ZSWIM8: variants seen among roughly 807,000 people sequenced by gnomAD.
ZSWIM8 encodes zinc finger SWIM domain-containing protein 8.
Under a neutral mutation model 173.7 loss-of-function variants are expected in ZSWIM8, and 27 were observed. That is an observed-to-expected ratio of 0.16 (90% CI 0.11 to 0.21). The LOEUF is 0.21. ZSWIM8 is among the 10% of genes least tolerant of loss of function. ZSWIM8 has a pLI of 1.00. For missense variants in ZSWIM8, 1,627 were observed against 2,428.8 expected (o/e 0.67, Z 6.94); for synonymous variants, 958 against 962.0 (o/e 1.00, Z 0.08).
At chr10:73,790,765 C>G (rs1263467915) in intron 7 of ZSWIM8, among the ~76,000 whole-genome samples, 1 of 152,100 alleles carries the variant, frequency 6.6e-6, no homozygotes, top group African/African-American at 2.4e-5. Flanking sequence ...AGGAGAATTG[C>G]TTGAACCCGG....
intron 20 of ZSWIM8, among the ~76,000 whole-genome samples, chr10:73,798,767 G>A (rs951272147): frequency 6.6e-6 from 1 of 152,178 alleles, no homozygotes; most frequent in African/African-American, 2.4e-5. Context: ...ATGGGAGGGG[G>A]CTGTTAAATT....
Position 73,800,219 on chromosome 10 carries a change from G to A in ZSWIM8, c.4825+49G>A. ...GGTGAATGGAGGGGAGGCACACTGG[G>A]CAGGGGAGGTGGGGAGGGAATGTTC... On this transcript the variant is annotated intron_variant, in intron 22 of 25. Transcript: ENST00000604729. This position sits in a 1 kb window ranked among gnomAD's most constrained non-coding sequence, Gnocchi z 4.1. 1 of 1,612,306 alleles carries A rather than the reference G, an allele frequency of 6.2e-7. No homozygotes were observed. Among genetic ancestry groups the A allele is most frequent in the Admixed American group, 1.7e-5 (1 of 59,990 alleles).
intron 21 of ZSWIM8, 199 bp from the exon 22 acceptor site, chr10:73,799,812 G>A: frequency 1.6e-6 from 1 of 642,496 alleles, no homozygotes; most frequent in Non-Finnish European, 2.7e-6. Flanking sequence ...CTTCTTGGGA[G>A]GCTGAGATGG....
At chr10:73,795,387 A>T (rs911251263) in intron 14 of ZSWIM8, among the ~76,000 whole-genome samples, 152 bp from the exon 15 acceptor site, 8 of 152,204 alleles carry the variant, frequency 5.3e-5, no homozygotes, top group African/African-American at 1.9e-4. Flanking sequence ...GGCTGGATAT[A>T]ATAGTCAACG....
In ZSWIM8 at chr10:73,786,011, C is replaced by T. The variant is rs1247121252; in HGVS notation, c.133C>T (p.Arg45Cys). The T allele has an allele frequency of 1.3e-6, 2 of 1,598,404 alleles. No homozygotes were observed. The highest frequency in any genetic ancestry group is 1.7e-6 in the Non-Finnish European group (2 of 1,172,298). The change falls in exon 1 of 26, where the codon CGC becomes TGC. Residue 45 changes from arginine to cysteine, a missense_variant. Transcript: ENST00000604729. ...CCTCTGCCAGAACTGGCGGGGATGG[C>T]GCAAACAGTCAGCGGGGCCCAATTC... Reference protein sequence around the residue: ...ESLCQNWRGWRKQSAGPNSPT... With the variant: ...ESLCQNWRGWCKQSAGPNSPT...
Position 73,789,290 on chromosome 10 carries a change from TA to T in ZSWIM8, c.458-75del, listed in dbSNP as rs1487721332. On this transcript the variant is annotated intron_variant, in intron 3 of 25. Coordinates refer to ENST00000604729, the MANE Select transcript of ZSWIM8 (RefSeq NM_001367799.1). This position sits in a 1 kb window ranked among gnomAD's most constrained non-coding sequence, Gnocchi z 6.8. ...AAGAAGCTGGAGCATGTTGTCTGAA[TA>T]ACTGCAGGGCCAGGGTCAAGGGCAG... is the stretch of plus-strand genomic sequence containing the variant. 17 of 1,590,636 alleles carry T rather than the reference TA, an allele frequency of 1.1e-5. No individual in the cohort carries two copies. The African/African-American group carries it at 2.3e-4, about 21-fold the overall frequency.
chr10:73,790,925 C>A, intron 7 of ZSWIM8, 50 bp from the exon 8 acceptor site: 2 of 1,520,256 alleles, frequency 1.3e-6, no homozygotes, highest in South Asian at 1.2e-5. Context: ...TTTTAGGTTT[C>A]ATTCAGCCCC....
intron 1 of ZSWIM8, among the ~76,000 whole-genome samples, chr10:73,787,345 C>T (rs1261033705): frequency 6.6e-6 from 1 of 152,128 alleles, no homozygotes; most frequent in Non-Finnish European, 1.5e-5. Context: ...AGATCATAGG[C>T]AGTTTTACCG....
chr10:73,796,753 G>T lies in ZSWIM8; in HGVS notation c.3034-21G>T, dbSNP rs774457987. ...GCATCCTGTCACTGCTTCTCTGGAGGTCACTGCTTCTGTCTTCCAGATCTT... is the reference window on the plus strand; with the variant it reads ...GCATCCTGTCACTGCTTCTCTGGAGTTCACTGCTTCTGTCTTCCAGATCTT... On this transcript the variant is annotated intron_variant, in intron 15 of 25. Coordinates refer to ENST00000604729, the MANE Select transcript of ZSWIM8 (RefSeq NM_001367799.1). 11 of 1,609,818 alleles carry T rather than the reference G, an allele frequency of 6.8e-6. No individual in the cohort carries two copies. The African/African-American group carries it at 1.5e-4, about 21-fold the overall frequency.
At position 73,790,721 on chromosome 10, in the gene ZSWIM8, C is replaced by T. The variant is rs1354599234; in HGVS notation, c.942-254C>T. On this transcript the variant is annotated intron_variant, in intron 7 of 25. Transcript: ENST00000604729. ...AAAATTAGCCAGGCGTGGTGGCGGG[C>T]GCCTGTAATCTCAGCTACTTGGGAG... Among the ~76,000 whole-genome samples, 10 of 152,092 alleles carry T rather than the reference C, an allele frequency of 6.6e-5. No individual in the cohort carries two copies. In the East Asian group the frequency reaches 1.7e-3, roughly 26 times the overall value.
At position 73,789,710 on chromosome 10, in the gene ZSWIM8, C is replaced by T; in HGVS notation, c.631-7C>T. The T allele has an allele frequency of 6.3e-7, 1 of 1,592,944 alleles. No homozygotes were observed. Among genetic ancestry groups the T allele is most frequent in the Non-Finnish European group, 8.5e-7 (1 of 1,169,884 alleles). On this transcript the variant is annotated splice_polypyrimidine_tract_variant and splice_region_variant and intron_variant, in intron 4 of 25. Coordinates refer to ENST00000604729, the MANE Select transcript of ZSWIM8 (RefSeq NM_001367799.1). This position sits in a 1 kb window ranked among gnomAD's most constrained non-coding sequence, Gnocchi z 6.8. ...GATTGTTCCATTTTTCTCTGTGTCC[C>T]CTTCAGGCTTCTGCAGTCTGCCTGC... is the stretch of plus-strand genomic sequence containing the variant.
At chr10:73,799,579 G>A in intron 21 of ZSWIM8, 89 bp downstream of exon 21, 1 of 1,532,914 alleles carries the variant, frequency 6.5e-7, no homozygotes, top group South Asian at 1.2e-5. Context: ...GAGTATAATT[G>A]GTCAGTCGGA....
Position 73,791,044 on chromosome 10 carries a change from C to T in ZSWIM8, c.1011C>T (p.Arg337=). 1.2e-6 allele frequency: 2 copies of T among 1,613,888 alleles called. No homozygotes were observed. Among genetic ancestry groups the T allele is most frequent in the Non-Finnish European group, 1.7e-6 (2 of 1,179,898 alleles). Residue 337 remains arginine (R), a synonymous_variant, in exon 8 of 26, where the codon CGC becomes CGT. Coordinates refer to ENST00000604729, the MANE Select transcript of ZSWIM8 (RefSeq NM_001367799.1). This position sits in a 1 kb window ranked among gnomAD's most constrained non-coding sequence, Gnocchi z 6.0. ...CTGCTGAATGGGCATGTCTGCTGCG[C>T]CCTCTGAGGGGCCGTGAGCCAGAGG... The part of the protein sequence containing the change: ...PAAAEWACLL[R]PLRGREPEGV...
intron 13 of ZSWIM8, 46 bp from the exon 14 acceptor site, chr10:73,794,495 A>G (rs1215732755): frequency 6.4e-7 from 1 of 1,569,008 alleles, no homozygotes; most frequent in Non-Finnish European, 8.7e-7. Context: ...ATTTTTTCCC[A>G]TGCATGATAC....
chr10:73,789,456 G>C lies in ZSWIM8; in HGVS notation c.547G>C (p.Val183Leu). The change falls in exon 4 of 26, where the codon GTC (valine) becomes CTC (leucine). Residue 183 changes from valine (V) to leucine (L), a missense_variant. Physicochemically the swap from Val to Leu is conservative, Grantham distance 32 (BLOSUM62 1). This residue lies in a region of ZSWIM8 where 39 missense variants were observed against 154.0 expected (regional missense o/e 0.25). Coordinates refer to ENST00000604729, the MANE Select transcript of ZSWIM8 (RefSeq NM_001367799.1). The surrounding 1 kb of genome is among the most constrained non-coding windows in gnomAD (Gnocchi z 6.8). ...NVAVMFDRCR[V>L]TSCSCTCGAG... The stretch of plus-strand genomic sequence containing the variant: ...GGCTGTGATGTTTGACCGCTGCCGG[G>C]TCACTTCCTGCAGCTGTACCTGTGG... The C allele has an allele frequency of 6.2e-7, 1 of 1,610,132 alleles. No individual in the cohort carries two copies. The highest frequency in any genetic ancestry group is 8.5e-7 in the Non-Finnish European group (1 of 1,178,190).
In ZSWIM8 at chr10:73,797,080, G is replaced by A; in HGVS notation, c.3275-33G>A. 6.2e-7 allele frequency: 1 copy of A among 1,613,170 alleles called. No homozygotes were observed. The highest frequency in any genetic ancestry group is 8.5e-7 in the Non-Finnish European group (1 of 1,179,442). The stretch of plus-strand genomic sequence containing the variant: ...ACCTATGTTGAGGTCCCCTTTCCTG[G>A]GCTCATCCCAGCGTCCTGTTTTCCT... On this transcript the variant is annotated intron_variant, in intron 16 of 25. Coordinates refer to ENST00000604729, the MANE Select transcript of ZSWIM8 (RefSeq NM_001367799.1). The surrounding 1 kb of genome is among the most constrained non-coding windows in gnomAD (Gnocchi z 5.6).
Position 73,799,321 on chromosome 10 carries a change from G to C in ZSWIM8, c.4496G>C (p.Gly1499Ala). 1 of 1,608,788 alleles carries C rather than the reference G, an allele frequency of 6.2e-7. No homozygotes were observed. The highest frequency in any genetic ancestry group is 8.5e-7 in the Non-Finnish European group (1 of 1,177,792). The change falls in exon 21 of 26, where the codon GGT becomes GCT. Residue 1499 changes from glycine (G) to alanine (A), a missense_variant. Physicochemically the swap from Gly to Ala is moderately conservative, Grantham distance 60. This residue lies in a region of ZSWIM8 where 275 missense variants were observed against 290.1 expected (regional missense o/e 0.95). Coordinates refer to ENST00000604729, the MANE Select transcript of ZSWIM8 (RefSeq NM_001367799.1). Reference protein sequence around the residue: ...VISVGSSLYPGPGLGHGHSPG... With the variant: ...VISVGSSLYPAPGLGHGHSPG... ...TCGGTGGGGTCTAGTTTATACCCGG[G>C]TCCAGGACTGGGGCATGGCCACTCC... is the stretch of plus-strand genomic sequence containing the variant.
intron 15 of ZSWIM8, among the ~76,000 whole-genome samples, chr10:73,796,046 G>C (rs2083636207): frequency 6.6e-6 from 1 of 150,744 alleles, no homozygotes; most frequent in African/African-American, 2.4e-5. Context: ...CCTTTCTCAG[G>C]GAGTTTCCAG....
chr10:73,794,325 C>T lies in ZSWIM8; in HGVS notation c.2804C>T (p.Ala935Val). The change falls in exon 13 of 26, where the codon GCT becomes GTT. Residue 935 changes from alanine to valine, a missense_variant. Transcript: ENST00000604729. ...AGTTTCATCTTTGACGTTCTCTGTG[C>T]TCCAGGTATGATGCCTGACCCTACA... The part of the protein sequence containing the change: ...LASFIFDVLC[A>V]PVVSPTGSRP... 1 of 1,613,644 alleles carries T rather than the reference C, an allele frequency of 6.2e-7. No individual in the cohort carries two copies. Among genetic ancestry groups the T allele is most frequent in the Non-Finnish European group, 8.5e-7 (1 of 1,179,678 alleles).
Sources: gnomAD v4.1 joint callset for allele counts (sites outside exome capture counted in the v4.1 genomes callset) on GRCh38, gnomAD v4.1.1 for gene constraint, gnomAD v4.1.1 regional missense constraint, Gnocchi (gnomAD v3.1) non-coding constraint, MANE v1.5 for transcripts, NCBI Gene and HGNC (gene_info 2026-07-23, HGNC 2026-07-21) for gene names.